The following TRPM4 variants were observed in gnomAD, a reference collection of about 807,000 sequenced individuals.
TRPM4 encodes calcium-activated non-selective cation channel 1.
Under a neutral mutation model 135.6 loss-of-function variants are expected in TRPM4, and 124 were observed. The observed-to-expected ratio is 0.91, with a 90% CI of 0.79 to 1.06. TRPM4 has a LOEUF of 1.06. Among genes scored for constraint, TRPM4 ranks in the 50% least tolerant of loss-of-function variants. The probability of loss-of-function intolerance (pLI) is 0.00; values close to 1 mark genes in which losing one functional copy is unlikely to be tolerated. For missense variants in TRPM4, 1,658 were observed against 1,671.4 expected (o/e 0.99, Z 0.14); for synonymous variants, 745 against 705.6 (o/e 1.06, Z -0.88).
chr19:49,161,374 C>T (rs1966958883), intron 2 of TRPM4, among the ~76,000 whole-genome samples: 1 of 131,566 alleles, frequency 7.6e-6, no homozygotes, highest in African/African-American at 2.8e-5. Context: ...GTTGTCCAGG[C>T]TGGAGTGGCA....
chr19:49,171,501 C>T lies in TRPM4; in HGVS notation c.859-77C>T. 6.2e-7 allele frequency: 1 copy of T among 1,610,948 alleles called. No homozygotes were observed. Among genetic ancestry groups the T allele is most frequent in the Non-Finnish European group, 8.5e-7 (1 of 1,177,530 alleles). ...CTGGGTCCTGAGTCTTAGGGAGGGT[C>T]TGGGGGTCTGACTCCGGGTAGGGTG... On this transcript the variant is annotated intron_variant, in intron 7 of 24. Coordinates refer to ENST00000252826, the MANE Select transcript of TRPM4 (RefSeq NM_017636.4). The surrounding 1 kb of genome is among the most constrained non-coding windows in gnomAD (Gnocchi z 4.7).
intron 16 of TRPM4, among the ~76,000 whole-genome samples, chr19:49,193,907 C>T (rs559626094): frequency 6.6e-6 from 1 of 150,482 alleles, no homozygotes. Flanking sequence ...TCCTCCTCCT[C>T]GTCATCCTCC....
chr19:49,197,861 A>AT (rs199834585), intron 17 of TRPM4, among the ~76,000 whole-genome samples: 2,948 of 150,406 alleles, frequency 0.02, 40 homozygotes, highest in South Asian at 0.031. Flanking sequence ...TTTTTTTTGT[A>AT]TTTTTTTTGT....
Position 49,168,291 on chromosome 19 carries a change from G to A in TRPM4, c.480G>A (p.Thr160=), listed in dbSNP as rs758100348. The change falls in exon 5 of 25, where the codon ACG becomes ACA. Residue 160 remains threonine (T), a synonymous_variant. Transcript: ENST00000252826. The stretch of plus-strand genomic sequence containing the variant: ...GGATTGTCACTGGGGGTCTGCACAC[G>A]GGCATCGGCCGGCATGTTGGTGTGG... ...GAWIVTGGLH[T]GIGRHVGVAV... is the part of the protein sequence containing the mutation. 13 of 1,614,078 alleles carry A rather than the reference G, an allele frequency of 8.1e-6. No homozygotes were observed. In the African/African-American group the frequency reaches 1.2e-4, roughly 15 times the overall value.
intron 10 of TRPM4, among the ~76,000 whole-genome samples, chr19:49,182,212 CCATT>C (rs1967977889): frequency 6.7e-6 from 1 of 148,676 alleles, no homozygotes; most frequent in African/African-American, 2.6e-5. Context: ...ATCTACCTAT[CCATT>C]CATCCATCCA....
intron 2 of TRPM4, chr19:49,159,994 T>A (rs559584820): frequency 6.6e-6 from 1 of 152,338 alleles, no homozygotes; most frequent in Admixed American, 6.5e-5. Context: ...TGGTCTGGCC[T>A]GAGGAGGAAG....
chr19:49,201,814 A>G (rs1007856311), intron 19 of TRPM4, 150 bp from the exon 20 acceptor site: 2 of 835,148 alleles, frequency 2.4e-6, no homozygotes, highest in African/African-American at 1.7e-5. Flanking sequence ...TGGTCAGGCT[A>G]GTCTCAAACT....
chr19:49,203,218 C>G (rs181959209), intron 20 of TRPM4, among the ~76,000 whole-genome samples: 1 of 150,204 alleles, frequency 6.7e-6, no homozygotes, highest in Non-Finnish European at 1.5e-5. Context: ...CTCGCTCTGT[C>G]GCCCAGGCTG....
At chr19:49,203,988 C>T (rs1969051719) in intron 20 of TRPM4, among the ~76,000 whole-genome samples, 1 of 152,076 alleles carries the variant, frequency 6.6e-6, no homozygotes, top group South Asian at 2.1e-4. Flanking sequence ...ATTAGCTGGG[C>T]TCATGTCTGT....
At chr19:49,161,482 C>T (rs1208518944) in intron 2 of TRPM4, among the ~76,000 whole-genome samples, 1 of 151,424 alleles carries the variant, frequency 6.6e-6, no homozygotes, top group Non-Finnish European at 1.5e-5. Flanking sequence ...ACCACCATGC[C>T]TGGCTAATTT....
chr19:49,192,476 T>C (rs1176664093), intron 16 of TRPM4, among the ~76,000 whole-genome samples: 3 of 152,130 alleles, frequency 2.0e-5, no homozygotes, highest in Admixed American at 2.0e-4. Context: ...GTAGAGAGGA[T>C]ACAAAATATT....
chr19:49,170,457 G>A (rs1470834547), intron 6 of TRPM4, among the ~76,000 whole-genome samples: 1 of 152,056 alleles, frequency 6.6e-6, no homozygotes, highest in Non-Finnish European at 1.5e-5. Context: ...CCAAAGTGCT[G>A]GGATTACAGG....
At chr19:49,195,946 C>T (rs889478828) in intron 16 of TRPM4, among the ~76,000 whole-genome samples, 3 of 151,750 alleles carry the variant, frequency 2.0e-5, no homozygotes, top group African/African-American at 7.3e-5. Flanking sequence ...GCAACCTCTG[C>T]CTCCCAGGTT....
chr19:49,207,864 C>T (rs1281091934), intron 20 of TRPM4, among the ~76,000 whole-genome samples: 1 of 151,978 alleles, frequency 6.6e-6, no homozygotes, highest in East Asian at 1.9e-4. Context: ...GAAAAGACAG[C>T]TGGGCCTGGG....
rs1179368021 is a variant in TRPM4 at position 49,200,736 on chromosome 19, C to G, written c.2904C>G (p.Tyr968Ter). ...CAAGTATCCTGCGCCGCGTCTTCTA[C>G]CGTCCCTACCTGCAGATCTTCGGGC... ...DFPSILRRVF[Y>*]RPYLQIFGQI... Residue 968 changes from tyrosine to a stop codon, truncating the protein, a stop_gained, in exon 19 of 25, where the codon TAC (tyrosine) becomes TAG (stop). Coordinates refer to ENST00000252826, the MANE Select transcript of TRPM4 (RefSeq NM_017636.4). LOFTEE classifies it high-confidence loss of function. The G allele has an allele frequency of 1.2e-6, 2 of 1,613,996 alleles. No individual in the cohort carries two copies. The highest frequency in any genetic ancestry group is 1.7e-6 in the Non-Finnish European group (2 of 1,180,024).
At chr19:49,165,936 G>A in intron 2 of TRPM4, 105 bp from the exon 3 acceptor site, 1 of 1,183,162 alleles carries the variant, frequency 8.5e-7, no homozygotes, top group Non-Finnish European at 1.2e-6. Flanking sequence ...CTCTGTGGGT[G>A]TGGACTCAGT....
intron 9 of TRPM4, among the ~76,000 whole-genome samples, chr19:49,178,004 G>C (rs1208463299): frequency 6.6e-6 from 1 of 152,164 alleles, no homozygotes; most frequent in African/African-American, 2.4e-5. Flanking sequence ...TCCTTGAGAG[G>C]CAGCAGAGGA....
intron 2 of TRPM4, chr19:49,158,520 C>T (rs1187390304): frequency 1.9e-6 from 1 of 530,170 alleles, no homozygotes; most frequent in Non-Finnish European, 3.4e-6. Flanking sequence ...GATGTCTCTT[C>T]TATGTGCTTC....
At chr19:49,187,890 T>A (rs886614138) in intron 12 of TRPM4, among the ~76,000 whole-genome samples, 10 of 152,088 alleles carry the variant, frequency 6.6e-5, no homozygotes, top group African/African-American at 2.2e-4. Context: ...CTGGGTGGGA[T>A]GGCAGAACTG....
Sources: allele counts gnomAD v4.1 joint callset (sites outside exome capture counted in the v4.1 genomes callset), GRCh38; gene constraint gnomAD v4.1.1; non-coding constraint Gnocchi (gnomAD v3.1); transcripts MANE v1.5; gene names NCBI Gene and HGNC (gene_info 2026-07-23, HGNC 2026-07-21).